NCKAP5: variants seen among roughly 807,000 people sequenced by gnomAD.
The protein encoded by NCKAP5 is NCK associated protein 5.
NCKAP5 carries 92 observed loss-of-function variants against 167.0 expected under a neutral mutation model. That is an observed-to-expected ratio of 0.55 (90% CI 0.47 to 0.66). The LOEUF is 0.66. NCKAP5 is among the 30% of genes least tolerant of loss of function. The pLI is 0.00. For missense variants in NCKAP5, 2,378 were observed against 2,315.0 expected (o/e 1.03, Z -0.56); for synonymous variants, 891 against 877.4 (o/e 1.02, Z -0.27).
intron 16 of NCKAP5, among the ~76,000 whole-genome samples, chr2:132,762,474 G>T (rs980657645): frequency 3.3e-5 from 5 of 152,200 alleles, no homozygotes; most frequent in Non-Finnish European, 7.3e-5. Context: ...TCTCTGTATA[G>T]CTAGTTCAGT....
At chr2:133,163,199 C>T (rs1187133763) in intron 5 of NCKAP5, among the ~76,000 whole-genome samples, 1 of 152,212 alleles carries the variant, frequency 6.6e-6, no homozygotes, top group Non-Finnish European at 1.5e-5. Context: ...GAAAATATCC[C>T]AGCATTTCTG....
chr2:132,936,473 T>A (rs905884954), intron 8 of NCKAP5, among the ~76,000 whole-genome samples: 1 of 152,192 alleles, frequency 6.6e-6, no homozygotes, highest in Non-Finnish European at 1.5e-5. Flanking sequence ...CACACCCCCA[T>A]AATAAAGGTT....
At chr2:133,535,931 T>C (rs1424385447) in intron 2 of NCKAP5, among the ~76,000 whole-genome samples, 1 of 152,166 alleles carries the variant, frequency 6.6e-6, no homozygotes, top group East Asian at 1.9e-4. Flanking sequence ...TGGTCACTTG[T>C]ACGTCTTCTT....
rs1484431508 is a variant in NCKAP5, at chr2:132,672,467, C to T, written c.*822G>A. On this transcript the variant is annotated 3_prime_UTR_variant, in exon 20 of 20. Transcript: ENST00000409261. The stretch of plus-strand genomic sequence containing the variant: ...ATCTCTGGCAACGAATCTGAAATTA[C>T]ACTAAAATGAACATTTCCATCAAAT... 2.6e-5 allele frequency: 4 copies of T among 152,186 alleles called. No homozygotes were observed. Among genetic ancestry groups the T allele is most frequent in the Non-Finnish European group, 5.9e-5 (4 of 68,036 alleles). The allele number at this position is 152,186 out of a possible 1,614,324, so 9.4% of individuals were successfully genotyped here.
At chr2:132,834,572 C>T (rs1165284399) in intron 11 of NCKAP5, among the ~76,000 whole-genome samples, 2 of 152,150 alleles carry the variant, frequency 1.3e-5, no homozygotes, top group Non-Finnish European at 1.5e-5. Context: ...GTCTTGATCT[C>T]CTGACCTTGT....
At chr2:132,819,008 C>T (rs573347165) in intron 11 of NCKAP5, among the ~76,000 whole-genome samples, 1 of 152,218 alleles carries the variant, frequency 6.6e-6, no homozygotes, top group African/African-American at 2.4e-5. Flanking sequence ...AACTGTATTT[C>T]AATGTAATTG....
At chr2:132,939,667 A>C (rs1303879655) in intron 8 of NCKAP5, among the ~76,000 whole-genome samples, 1 of 152,036 alleles carries the variant, frequency 6.6e-6, no homozygotes, top group African/African-American at 2.4e-5. Flanking sequence ...CTGAGAGTTC[A>C]GTGTACCCAT....
At chr2:133,082,165 C>T (rs1425498254) in intron 6 of NCKAP5, among the ~76,000 whole-genome samples, 2 of 151,966 alleles carry the variant, frequency 1.3e-5, no homozygotes, top group East Asian at 3.9e-4. Flanking sequence ...TGTTAATTTG[C>T]TTAGGATAAG....
chr2:132,683,470 C>T (rs1685517219), intron 19 of NCKAP5, among the ~76,000 whole-genome samples: 1 of 152,156 alleles, frequency 6.6e-6, no homozygotes, highest in African/African-American at 2.4e-5. Flanking sequence ...AGCTCTGAGC[C>T]ATCTGGGGCT....
intron 8 of NCKAP5, among the ~76,000 whole-genome samples, chr2:132,904,960 A>C (rs1558924526): frequency 6.6e-6 from 1 of 152,194 alleles, no homozygotes; most frequent in Non-Finnish European, 1.5e-5. Context: ...CATAGCATTT[A>C]AATGTTTATA....
At chr2:132,905,148 A>T (rs980997544) in intron 8 of NCKAP5, among the ~76,000 whole-genome samples, 2 of 152,198 alleles carry the variant, frequency 1.3e-5, no homozygotes, top group East Asian at 3.9e-4. Context: ...GATTTATGTT[A>T]TGCTGTCACA....
At chr2:133,669,195 A>G in the NCKAP5 span, among the ~76,000 whole-genome samples, 84,908 of 151,930 alleles carry the variant, frequency 0.56, 25,166 homozygotes, top group East Asian at 0.79. Flanking sequence ...AATGAAAATA[A>G]GGCAAGTTAA....
chr2:133,655,076 GA>G, the NCKAP5 span, among the ~76,000 whole-genome samples: 3,127 of 152,272 alleles, frequency 0.021, 198 homozygotes, highest in East Asian at 0.23. Flanking sequence ...GAAATTAAAG[GA>G]AATTATTTAC....
chr2:133,065,832 G>T (rs892214202), intron 6 of NCKAP5, among the ~76,000 whole-genome samples: 5 of 152,108 alleles, frequency 3.3e-5, no homozygotes, highest in African/African-American at 4.8e-5. Flanking sequence ...CATTTTACTT[G>T]TACTCTGACA....
At chr2:133,490,665 A>C (rs187666591) in intron 3 of NCKAP5, among the ~76,000 whole-genome samples, 71 of 152,314 alleles carry the variant, frequency 4.7e-4, no homozygotes, top group Admixed American at 1.3e-3. Flanking sequence ...ATCAGAAGCA[A>C]AGTCAAGTGA....
rs992737375 is a variant in NCKAP5 at position 133,370,965 on chromosome 2, C to T, written c.70-67855G>A. Among the ~76,000 whole-genome samples the T allele has an allele frequency of 2.0e-5, 3 of 152,050 alleles. No individual in the cohort carries two copies. The South Asian group carries it at 6.2e-4, about 32-fold the overall frequency. ...ATGAGATTCATTCAAGCAAATTTGC[C>T]AAGCTTCATAATATCCCTCCTAAGC... On this transcript the variant is annotated intron_variant, in intron 3 of 19. Coordinates refer to ENST00000409261, the MANE Select transcript of NCKAP5 (RefSeq NM_207363.3).
At chr2:132,794,307 G>GAGAGAGAGAGT (rs1553443904) in intron 12 of NCKAP5, among the ~76,000 whole-genome samples, 15 of 101,228 alleles carry the variant, frequency 1.5e-4, no homozygotes, top group South Asian at 1.0e-3. Context: ...GAGAGAGAGA[G>GAGAGAGAGAGT]GGTGGCGGGA....
chr2:133,073,908 T>C (rs1457930454), intron 6 of NCKAP5, among the ~76,000 whole-genome samples: 1 of 152,202 alleles, frequency 6.6e-6, no homozygotes, highest in African/African-American at 2.4e-5. Flanking sequence ...ACCAGTTGTA[T>C]CTAATGGCTA....
Position 133,138,995 on chromosome 2 carries a change from C to T in NCKAP5, c.208-8884G>A, listed in dbSNP as rs115490611. On this transcript the variant is annotated intron_variant, in intron 5 of 19. Transcript: ENST00000409261. ...GCTTTAAACTCACGAATTAACATTC[C>T]CCATAGGAAACCTGTTTGGACAACA... Among the ~76,000 whole-genome samples, 964 of 152,212 alleles carry T rather than the reference C, an allele frequency of 6.3e-3. 15 individuals carry two copies. Among genetic ancestry groups the T allele is most frequent in the African/African-American group, 0.022 (914 of 41,526 alleles).
Sources: allele counts gnomAD v4.1 joint callset (sites outside exome capture counted in the v4.1 genomes callset), GRCh38; gene constraint gnomAD v4.1.1; transcripts MANE v1.5; gene names NCBI Gene and HGNC (gene_info 2026-07-23, HGNC 2026-07-21).